TRABD2B: variants seen among roughly 807,000 people sequenced by gnomAD.
The protein encoded by TRABD2B is metalloprotease TIKI2.
A neutral mutation model predicts 40.1 loss-of-function variants in TRABD2B; 14 were observed. That is an observed-to-expected ratio of 0.35 (90% CI 0.23 to 0.55). TRABD2B has a LOEUF of 0.55. Ranked by LOEUF, TRABD2B falls within the 20% of genes least tolerant of loss-of-function variation. The pLI, the probability that TRABD2B is intolerant of heterozygous loss-of-function variation, is 0.90. For synonymous variants in TRABD2B, 263 were observed against 277.0 expected, an observed-to-expected ratio of 0.95 and a Z score of 0.50; for missense variants, 541 against 648.6, an observed-to-expected ratio of 0.83 and a Z score of 1.80.
chr1:47,878,939 A>ATT (rs5773969), intron 2 of TRABD2B, among the ~76,000 whole-genome samples: 27 of 145,868 alleles, frequency 1.9e-4, no homozygotes, highest in African/African-American at 3.8e-4. Context: ...TCTACAAAAG[A>ATT]TTTTTTTTTT....
chr1:47,874,571 C>T (rs1167742894), intron 2 of TRABD2B, among the ~76,000 whole-genome samples: 3 of 137,290 alleles, frequency 2.2e-5, no homozygotes, highest in African/African-American at 5.4e-5. Context: ...CGCGCCCGGC[C>T]TTTTTTTTTT....
In TRABD2B at chr1:47,972,544, T is replaced by C. The variant is rs1645696183; in HGVS notation, c.666+21490A>G. 2.0e-5 allele frequency among the ~76,000 whole-genome samples: 3 copies of C among 152,268 alleles called. No homozygotes were observed. The South Asian group carries it at 6.2e-4, about 32-fold the overall frequency. ...GCTCTCTAGCCCTCTTTCCACCACA[T>C]GAGGACAAAACTGGAAAACGGCAGT... On this transcript the variant is annotated intron_variant, in intron 2 of 6. Coordinates refer to ENST00000606738, the MANE Select transcript of TRABD2B (RefSeq NM_001194986.2).
At chr1:47,817,252 G>A (rs1645046208) in intron 2 of TRABD2B, among the ~76,000 whole-genome samples, 1 of 151,958 alleles carries the variant, frequency 6.6e-6, no homozygotes, top group Non-Finnish European at 1.5e-5. Flanking sequence ...GAGAGCCAGT[G>A]TTCAAAACCA....
intron 2 of TRABD2B, among the ~76,000 whole-genome samples, chr1:47,957,725 A>G (rs59563572): frequency 0.23 from 35,312 of 152,188 alleles, 4,152 homozygotes; most frequent in Admixed American, 0.27. Context: ...GACCAAATCT[A>G]CATCTGATTG....
At chr1:47,928,211 T>C (rs1644995252) in intron 2 of TRABD2B, among the ~76,000 whole-genome samples, 1 of 152,154 alleles carries the variant, frequency 6.6e-6, no homozygotes, top group Non-Finnish European at 1.5e-5. Context: ...TGGGCCCAAG[T>C]AGCAGTGCAG....
chr1:47,906,517 C>T (rs1432887675), intron 2 of TRABD2B, among the ~76,000 whole-genome samples: 1 of 152,334 alleles, frequency 6.6e-6, no homozygotes, highest in South Asian at 2.1e-4. Flanking sequence ...TGCCTTTCTT[C>T]CCCTCTTCTC....
At chr1:47,946,497 T>A (rs1441068218) in intron 2 of TRABD2B, among the ~76,000 whole-genome samples, 1 of 152,202 alleles carries the variant, frequency 6.6e-6, no homozygotes, top group African/African-American at 2.4e-5. Flanking sequence ...GATGATCATA[T>A]GGGTTTTTCT....
At chr1:47,890,427 T>G (rs530227920) in intron 2 of TRABD2B, among the ~76,000 whole-genome samples, 1 of 152,158 alleles carries the variant, frequency 6.6e-6, no homozygotes, top group African/African-American at 2.4e-5. Flanking sequence ...GAGGTAGTCA[T>G]TGTGCTCAAG....
rs1456944998 is a variant in TRABD2B, at chr1:47,990,770, T to C, written c.666+3264A>G. On this transcript the variant is annotated intron_variant, in intron 2 of 6. Transcript: ENST00000606738. ...AAGTTGTTGGTTTTAAAACGTTGGTTTTATATATATATATATATATATATA... is the reference window on the plus strand; with the variant it reads ...AAGTTGTTGGTTTTAAAACGTTGGTCTTATATATATATATATATATATATA... Among the ~76,000 whole-genome samples, 88 of 35,038 alleles carry C rather than the reference T, an allele frequency of 2.5e-3. 1 individual carries two copies. The highest frequency in any genetic ancestry group is 0.017 in the Middle Eastern group (1 of 58). The allele number at this position is 35,038 out of a possible 152,430, so 23.0% of individuals were successfully genotyped here.
intron 2 of TRABD2B, among the ~76,000 whole-genome samples, chr1:47,848,886 G>C (rs1435920633): frequency 6.6e-6 from 1 of 152,224 alleles, no homozygotes; most frequent in Non-Finnish European, 1.5e-5. Context: ...GTAGTCACAT[G>C]TCCTTAAGGA....
intron 3 of TRABD2B, among the ~76,000 whole-genome samples, 183 bp from the exon 4 acceptor site, chr1:47,794,943 A>G (rs1205075460): frequency 2.0e-5 from 3 of 151,994 alleles, no homozygotes; most frequent in Admixed American, 6.6e-5. Context: ...TAATTTTTAA[A>G]TATTTTGTAG....
At chr1:47,884,214 G>A (rs967884445) in intron 2 of TRABD2B, among the ~76,000 whole-genome samples, 4 of 152,122 alleles carry the variant, frequency 2.6e-5, no homozygotes, top group Admixed American at 6.5e-5. Context: ...AGCAGTGGCC[G>A]TGTGATTTGC....
intron 2 of TRABD2B, among the ~76,000 whole-genome samples, chr1:47,982,409 G>A (rs548856718): frequency 2.0e-5 from 3 of 152,240 alleles, no homozygotes; most frequent in Non-Finnish European, 2.9e-5. Context: ...ACCCCAGGAG[G>A]TAAATACTGT....
intron 2 of TRABD2B, 54 bp from the exon 3 acceptor site, chr1:47,801,673 G>A: frequency 1.3e-6 from 2 of 1,511,766 alleles, no homozygotes; most frequent in South Asian, 2.4e-5. Flanking sequence ...CCCTGGCTGA[G>A]CTCTAGGACT....
intron 2 of TRABD2B, among the ~76,000 whole-genome samples, chr1:47,917,521 G>A (rs1265078184): frequency 6.6e-6 from 1 of 151,936 alleles, no homozygotes; most frequent in African/African-American, 2.4e-5. Flanking sequence ...AGGAGTTTGA[G>A]ACTAGCCTGG....
At chr1:47,989,410 C>T (rs1445215402) in intron 2 of TRABD2B, among the ~76,000 whole-genome samples, 1 of 152,200 alleles carries the variant, frequency 6.6e-6, no homozygotes, top group East Asian at 1.9e-4. Context: ...GCTCATTAAT[C>T]CATTCATGCT....
chr1:47,957,412 C>T (rs1450844026), intron 2 of TRABD2B, among the ~76,000 whole-genome samples: 1 of 152,142 alleles, frequency 6.6e-6, no homozygotes, highest in African/African-American at 2.4e-5. Context: ...TAACAAATTT[C>T]TCCGAGCTAA....
rs1645211520 is a variant in TRABD2B at position 47,943,281 on chromosome 1, A to G, written c.666+50753T>C. 2.0e-5 allele frequency among the ~76,000 whole-genome samples: 3 copies of G among 152,258 alleles called. No homozygotes were observed. The South Asian group carries it at 6.2e-4, about 31-fold the overall frequency. ...ATTTCACATGTGTGTGAAAGATGCC[A>G]ATGTTCCCCCACAGGTAAACTGTAA... On this transcript the variant is annotated intron_variant, in intron 2 of 6. Transcript: ENST00000606738.
intron 2 of TRABD2B, among the ~76,000 whole-genome samples, chr1:47,881,719 G>A (rs1015997159): frequency 1.3e-5 from 2 of 152,122 alleles, no homozygotes; most frequent in African/African-American, 4.8e-5. Context: ...CACGTGTGGC[G>A]GGCTTATCTG....
Sources: gnomAD v4.1 joint callset for allele counts (sites outside exome capture counted in the v4.1 genomes callset) on GRCh38, gnomAD v4.1.1 for gene constraint, MANE v1.5 for transcripts, NCBI Gene and HGNC (gene_info 2026-07-23, HGNC 2026-07-21) for gene names.